DACT2: variants seen among roughly 807,000 people sequenced by gnomAD.
The protein encoded by DACT2 is dapper homolog 2.
Under a neutral mutation model 22.2 loss-of-function variants are expected in DACT2, and 20 were observed. That is an observed-to-expected ratio of 0.90 (90% CI 0.63 to 1.31). The LOEUF is 1.31. Among genes scored for constraint, DACT2 ranks in the 50% most tolerant of loss-of-function variants. The probability of loss-of-function intolerance (pLI) is 0.00; values close to 1 mark genes in which losing one functional copy is unlikely to be tolerated. For synonymous variants in DACT2, 463 were observed against 479.8 expected (o/e 0.96, Z 0.46); for missense variants, 1,048 against 1,061.4 (o/e 0.99, Z 0.18).
chr6:168,310,375 T>A lies in DACT2; in HGVS notation c.451A>T (p.Ile151Phe). The A allele has an allele frequency of 6.4e-7, 1 of 1,551,588 alleles. No homozygotes were observed. Among genetic ancestry groups the A allele is most frequent in the Non-Finnish European group, 8.7e-7 (1 of 1,146,956 alleles). ...TSCASVCSDH[I>F]SPSLGSLLPV... ...AACAAACTGCCCAGCGAGGGAGAGATGTGGTCACTGCAGACGGAGGCACAG... is the reference window on the plus strand; with the variant it reads ...AACAAACTGCCCAGCGAGGGAGAGAAGTGGTCACTGCAGACGGAGGCACAG... The change falls in exon 3 of 4, where the codon ATC (isoleucine) becomes TTC (phenylalanine). Residue 151 changes from isoleucine to phenylalanine, a missense_variant. By Grantham distance (21) the Ile-to-Phe change is conservative. Coordinates refer to ENST00000366795, the MANE Select transcript of DACT2 (RefSeq NM_214462.5).
chr6:168,312,698 T>C (rs1035494709), intron 1 of DACT2, among the ~76,000 whole-genome samples: 1 of 152,262 alleles, frequency 6.6e-6, no homozygotes, highest in Non-Finnish European at 1.5e-5. Context: ...AATGTAATTA[T>C]GTGGTTGTTT....
chr6:168,304,073 T>TTAATTAG (rs1779156218), downstream of DACT2, among the ~76,000 whole-genome samples: 4 of 152,244 alleles, frequency 2.6e-5, no homozygotes, highest in African/African-American at 9.6e-5. Flanking sequence ...AGTCAAATTC[T>TTAATTAG]ACATTGTCTA....
intron 1 of DACT2, among the ~76,000 whole-genome samples, chr6:168,314,124 A>G (rs1288000604): frequency 6.6e-6 from 1 of 152,260 alleles, no homozygotes; most frequent in Non-Finnish European, 1.5e-5. Flanking sequence ...ATATGTGGCC[A>G]GGAAGGAGGA....
intron 5 of DACT2, chr6:168,294,097 C>T: frequency 1.4e-6 from 1 of 702,984 alleles, no homozygotes. Context: ...TGCAGCTAGA[C>T]CCGAAGCACA....
At chr6:168,305,256 C>T (rs1482681483), downstream of DACT2, among the ~76,000 whole-genome samples, 1 of 152,170 alleles carries the variant, frequency 6.6e-6, no homozygotes, top group Non-Finnish European at 1.5e-5. Context: ...GCTTGCAGGA[C>T]TGTGCGGAGC....
rs1343946884 is a variant in DACT2 at position 168,319,591 on chromosome 6, G to T, written c.43C>A (p.Arg15Ser). Residue 15 changes from arginine to serine, a missense_variant, in exon 1 of 4, where the codon CGC becomes AGC. Coordinates refer to ENST00000366795, the MANE Select transcript of DACT2 (RefSeq NM_214462.5). ...CGCAACCTCGCGCCCAACCTACGGC[G>T]GTCCCAGCCCGCGGACCCCGGGGGT... is the stretch of plus-strand genomic sequence containing the variant. ...GGPPGSAGWD[R>S]RRLGARLRAA... 3 of 1,352,572 alleles carry T rather than the reference G, an allele frequency of 2.2e-6. No homozygotes were observed. Among genetic ancestry groups the T allele is most frequent in the East Asian group, 3.2e-5 (1 of 30,862 alleles). 83.8% of individuals were successfully genotyped at this position (1,352,572 alleles called of 1,614,324 possible). A position where few individuals can be genotyped will look rare whatever the true frequency, so the allele number is the denominator to read the frequency against.
Position 168,307,576 on chromosome 6 carries a change from C to T in DACT2, c.2181G>A (p.Leu727=), listed in dbSNP as rs975154313. The change falls in exon 4 of 4, where the codon CTG becomes CTA. Residue 727 remains leucine (L), a synonymous_variant. Coordinates refer to ENST00000366795, the MANE Select transcript of DACT2 (RefSeq NM_214462.5). This position sits in a 1 kb window ranked among gnomAD's most constrained non-coding sequence, Gnocchi z 5.3. ...LGYVAAGHAE[L]AWTQEAPVSS... is the part of the protein sequence containing the mutation. ...TGACCGGGGCCTCCTGGGTCCAGGC[C>T]AGCTCCGCATGCCCGGCCGCCACAT... is the stretch of plus-strand genomic sequence containing the variant. 2.6e-6 allele frequency: 4 copies of T among 1,550,486 alleles called. No homozygotes were observed. The African/African-American group carries it at 5.5e-5, about 21-fold the overall frequency.
At chr6:168,294,558 T>C (rs1481050143) in intron 4 of DACT2, 3 of 665,898 alleles carry the variant, frequency 4.5e-6, no homozygotes, top group African/African-American at 3.7e-5. Flanking sequence ...TGTGTGTGTG[T>C]GTATGTGTGT....
chr6:168,301,639 C>A lies in DACT2; in HGVS notation c.659-6935G>T, dbSNP rs573106494. ...AAGGCGAGATACGCCCCCAGGATGCCCGCCTCTCATTAGAGCTGTGGTGTC... is the reference window on the plus strand; with the variant it reads ...AAGGCGAGATACGCCCCCAGGATGCACGCCTCTCATTAGAGCTGTGGTGTC... On this transcript the variant is annotated intron_variant, in intron 3 of 5. Transcript: ENST00000366796. Among the ~76,000 whole-genome samples, 4 of 152,340 alleles carry A rather than the reference C, an allele frequency of 2.6e-5. No individual in the cohort carries two copies. In the East Asian group the frequency reaches 7.7e-4, roughly 29 times the overall value.
Position 168,307,537 on chromosome 6 carries a change from G to A in DACT2, c.2220C>T (p.Leu740=), listed in dbSNP as rs1461359910. ...GGCACAGCTTGGGCACGGGGGACAGGAGTGGCCCCGAGCTGACCGGGGCCT... is the reference window on the plus strand; with the variant it reads ...GGCACAGCTTGGGCACGGGGGACAGAAGTGGCCCCGAGCTGACCGGGGCCT... ...TQEAPVSSGP[L]LSPVPKLCRI... is the part of the protein sequence containing the mutation. Residue 740 remains leucine (L), a synonymous_variant, in exon 4 of 4, where the codon CTC becomes CTT. Coordinates refer to ENST00000366795, the MANE Select transcript of DACT2 (RefSeq NM_214462.5). The surrounding 1 kb of genome is among the most constrained non-coding windows in gnomAD (Gnocchi z 5.3). 9 of 1,551,392 alleles carry A rather than the reference G, an allele frequency of 5.8e-6. No individual in the cohort carries two copies. The highest frequency in any genetic ancestry group is 1.4e-5 in the African/African-American group (1 of 73,032).
chr6:168,299,984 C>G (rs1367747031), intron 3 of DACT2: 1 of 152,256 alleles, frequency 6.6e-6, no homozygotes, highest in Non-Finnish European at 1.5e-5. Context: ...CAGGGTCACA[C>G]AGAGACTTGT....
chr6:168,319,600 C>A lies in DACT2; in HGVS notation c.34G>T (p.Gly12Cys). 1.5e-6 allele frequency: 2 copies of A among 1,342,058 alleles called. No individual in the cohort carries two copies. Among genetic ancestry groups the A allele is most frequent in the Admixed American group, 3.0e-5 (1 of 33,076 alleles). 83.1% of individuals were successfully genotyped at this position (1,342,058 alleles called of 1,614,324 possible). Residue 12 changes from glycine (G) to cysteine (C), a missense_variant, in exon 1 of 4, where the codon GGC becomes TGC. Coordinates refer to ENST00000366795, the MANE Select transcript of DACT2 (RefSeq NM_214462.5). ...GCGCCCAACCTACGGCGGTCCCAGC[C>A]CGCGGACCCCGGGGGTCCGCCCGGC... ...WTPGGPPGSA[G>C]WDRRRLGARL...
intron 2 of DACT2, 86 bp downstream of exon 2, chr6:168,311,066 C>G: frequency 2.1e-6 from 3 of 1,404,978 alleles, no homozygotes; most frequent in Non-Finnish European, 2.8e-6. Flanking sequence ...GGAATTTCAG[C>G]CCAAGAGGGG....
chr6:168,310,270 C>T lies in DACT2; in HGVS notation c.556G>A (p.Ala186Thr), dbSNP rs1226567436. The change falls in exon 3 of 4, where the codon GCG becomes ACG. Residue 186 changes from alanine (A) to threonine (T), a missense_variant. Transcript: ENST00000366795. ...TCCTCGGTAGCCTGGGGTCTCCACG[C>T]TGGCACAGTAGTCTCATCAACCGAC... is the stretch of plus-strand genomic sequence containing the variant. ...PRSVDETTVP[A>T]WRPQATEEGA... The T allele has an allele frequency of 6.4e-7, 1 of 1,551,456 alleles. No homozygotes were observed. Among genetic ancestry groups the T allele is most frequent in the Non-Finnish European group, 8.7e-7 (1 of 1,146,978 alleles).
At chr6:168,297,521 T>C (rs1277764914) in intron 3 of DACT2, among the ~76,000 whole-genome samples, 3 of 152,166 alleles carry the variant, frequency 2.0e-5, no homozygotes, top group Non-Finnish European at 1.5e-5. Context: ...AAGAAACAGC[T>C]TCTTCCCTAG....
chr6:168,299,002 A>G (rs1779055091), intron 3 of DACT2: 1 of 152,238 alleles, frequency 6.6e-6, no homozygotes, highest in Admixed American at 6.5e-5. Context: ...AAAAATAAAT[A>G]GTAGATAGTA....
chr6:168,315,217 C>G (rs560263363), intron 1 of DACT2, among the ~76,000 whole-genome samples: 2 of 152,192 alleles, frequency 1.3e-5, no homozygotes, highest in African/African-American at 4.8e-5. Context: ...TGCAGACTCC[C>G]GGAGCCCTTC....
rs1225374600 is a variant in DACT2, at chr6:168,310,363, G to A, written c.463C>T (p.Leu155=). ...TGGGCCACAGGCAACAAACTGCCCA[G>A]CGAGGGAGAGATGTGGTCACTGCAG... ...SVCSDHISPS[L]GSLLPVAQAH... The change falls in exon 3 of 4, where the codon CTG becomes TTG. Residue 155 remains leucine (L), a synonymous_variant. Coordinates refer to ENST00000366795, the MANE Select transcript of DACT2 (RefSeq NM_214462.5). The A allele has an allele frequency of 1.3e-6, 2 of 1,551,534 alleles. No homozygotes were observed. Among genetic ancestry groups the A allele is most frequent in the African/African-American group, 1.4e-5 (1 of 73,064 alleles).
intron 3 of DACT2, 69 bp from the exon 4 acceptor site, chr6:168,309,167 A>C (rs1779323369): frequency 6.9e-7 from 1 of 1,443,784 alleles, no homozygotes; most frequent in Non-Finnish European, 9.1e-7. Context: ...ATTTCATTTC[A>C]TGCGTGGCAG....
Sources: allele counts gnomAD v4.1 joint callset (sites outside exome capture counted in the v4.1 genomes callset), GRCh38; gene constraint gnomAD v4.1.1; non-coding constraint Gnocchi (gnomAD v3.1); transcripts MANE v1.5; gene names NCBI Gene and HGNC (gene_info 2026-07-23, HGNC 2026-07-21).